The following ADCY9 variants were observed in gnomAD, a reference collection of about 807,000 sequenced individuals.
ADCY9 encodes the protein adenylate cyclase 9.
ADCY9 carries 50 observed loss-of-function variants against 101.5 expected under a neutral mutation model. The observed-to-expected ratio is 0.49, with a 90% CI of 0.39 to 0.62. The LOEUF is 0.62. Among genes scored for constraint, ADCY9 ranks in the 20% least tolerant of loss-of-function variants. The pLI is 0.00. For synonymous variants in ADCY9, 905 were observed against 769.3 expected (o/e 1.18, Z -2.92); for missense variants, 1,662 against 1,800.4 (o/e 0.92, Z 1.39).
chr16:3,994,073 T>A (rs2056268864), intron 3 of ADCY9, among the ~76,000 whole-genome samples: 1 of 152,098 alleles, frequency 6.6e-6, no homozygotes, highest in Non-Finnish European at 1.5e-5. Flanking sequence ...GAAATCCTAA[T>A]TCCCAAGGGG....
intron 2 of ADCY9, among the ~76,000 whole-genome samples, chr16:4,102,763 C>T (rs900833629): frequency 1.3e-5 from 2 of 152,058 alleles, no homozygotes; most frequent in African/African-American, 4.8e-5. Flanking sequence ...GCTCTGTCGC[C>T]CAGGCTGGAA....
intron 2 of ADCY9, among the ~76,000 whole-genome samples, chr16:4,012,169 C>G (rs1339636286): frequency 6.6e-6 from 1 of 152,194 alleles, no homozygotes; most frequent in African/African-American, 2.4e-5. Flanking sequence ...TCAAACACAC[C>G]TCCGTGTCCA....
chr16:4,052,154 G>C (rs867722223), intron 2 of ADCY9, among the ~76,000 whole-genome samples: 1 of 152,126 alleles, frequency 6.6e-6, no homozygotes, highest in African/African-American at 2.4e-5. Context: ...CAAACCGAGG[G>C]ACATTCTACA....
intron 2 of ADCY9, among the ~76,000 whole-genome samples, chr16:4,106,487 C>A (rs578113287): frequency 6.6e-6 from 1 of 152,170 alleles, no homozygotes; most frequent in Non-Finnish European, 1.5e-5. Context: ...AAATTCCCTC[C>A]AGGGATGCTA....
Position 4,110,139 on chromosome 16 carries a change from C to T in ADCY9, c.1693+3611G>A, listed in dbSNP as rs1036690227. 6.6e-5 allele frequency among the ~76,000 whole-genome samples: 10 copies of T among 152,310 alleles called. No homozygotes were observed. In the East Asian group the frequency reaches 1.7e-3, roughly 26 times the overall value. The stretch of plus-strand genomic sequence containing the variant: ...CACAACATTTTTAACTGTGAGCTCA[C>T]GGAGGTTGGGAACTATTAACGCAGG... On this transcript the variant is annotated intron_variant, in intron 2 of 10. Coordinates refer to ENST00000294016, the MANE Select transcript of ADCY9 (RefSeq NM_001116.4).
At chr16:4,081,121 G>C (rs1368737868) in intron 2 of ADCY9, among the ~76,000 whole-genome samples, 1 of 152,186 alleles carries the variant, frequency 6.6e-6, no homozygotes, top group Non-Finnish European at 1.5e-5. Flanking sequence ...GTGTGTGGAT[G>C]GTGTGGCCTG....
intron 2 of ADCY9, among the ~76,000 whole-genome samples, chr16:4,111,976 C>G (rs1365449891): frequency 6.6e-6 from 1 of 152,122 alleles, no homozygotes; most frequent in Admixed American, 6.5e-5. Context: ...TAATTACACC[C>G]TCTTCATTTT....
At chr16:4,063,733 G>C (rs2056785547) in intron 2 of ADCY9, among the ~76,000 whole-genome samples, 1 of 150,368 alleles carries the variant, frequency 6.7e-6, no homozygotes, top group African/African-American at 2.4e-5. Context: ...ACACAAACCT[G>C]AGTTTCCACC....
downstream of ADCY9, among the ~76,000 whole-genome samples, chr16:3,960,501 G>A (rs969919936): frequency 6.6e-6 from 1 of 152,080 alleles, no homozygotes; most frequent in African/African-American, 2.4e-5. Context: ...CAGCCTGGGC[G>A]AGAGAGCCAG....
In ADCY9 at chr16:4,087,583, G is replaced by A. The variant is rs545820468; in HGVS notation, c.1693+26167C>T. On this transcript the variant is annotated intron_variant, in intron 2 of 10. Coordinates refer to ENST00000294016, the MANE Select transcript of ADCY9 (RefSeq NM_001116.4). ...AAAAAAGAAGAACAACAACAGCTAAGAGTTTGGCAGAGTTTACTCTGCACA... is the reference window on the plus strand; with the variant it reads ...AAAAAAGAAGAACAACAACAGCTAAAAGTTTGGCAGAGTTTACTCTGCACA... Among the ~76,000 whole-genome samples, 10 of 149,484 alleles carry A rather than the reference G, an allele frequency of 6.7e-5. 1 individual carries two copies. In the South Asian group the frequency reaches 2.2e-3, roughly 32 times the overall value.
chr16:4,097,487 T>TATACACACACAC (rs76750792), intron 2 of ADCY9, among the ~76,000 whole-genome samples: 1,344 of 72,106 alleles, frequency 0.019, 17 homozygotes, highest in South Asian at 0.026. Flanking sequence ...TATATATATA[T>TATACACACACAC]ACACACACAC....
chr16:4,015,668 CT>C (rs558194213), intron 2 of ADCY9: 69 of 152,306 alleles, frequency 4.5e-4, no homozygotes, highest in African/African-American at 1.6e-3. Context: ...GTTCCCTTGT[CT>C]AGATAATGGA....
intron 7 of ADCY9, 133 bp from the exon 8 acceptor site, chr16:3,979,408 AGGC>A (rs2056121698): frequency 9.3e-7 from 1 of 1,072,896 alleles, no homozygotes; most frequent in Non-Finnish European, 1.3e-6. Context: ...GCGTGAGAGC[AGGC>A]GTGGGGTGGG....
At chr16:4,110,416 G>A (rs933690349) in intron 2 of ADCY9, among the ~76,000 whole-genome samples, 22 of 115,518 alleles carry the variant, frequency 1.9e-4, no homozygotes, top group Non-Finnish European at 2.8e-4. Context: ...ACGCAGTCTC[G>A]CCTAGGCTGT....
intron 5 of ADCY9, 89 bp from the exon 6 acceptor site, chr16:3,989,185 C>A: frequency 1.0e-6 from 1 of 962,690 alleles, no homozygotes; most frequent in Non-Finnish European, 1.6e-6. Flanking sequence ...CAAAACGCTG[C>A]TCATTAGGTA....
intron 2 of ADCY9, among the ~76,000 whole-genome samples, chr16:4,068,691 C>T (rs1002460238): frequency 1.3e-5 from 2 of 151,930 alleles, no homozygotes; most frequent in Non-Finnish European, 2.9e-5. Context: ...GTGGCGGGCG[C>T]CTGTAGTCCC....
At chr16:3,995,603 A>G (rs868344632) in intron 3 of ADCY9, among the ~76,000 whole-genome samples, 1 of 146,414 alleles carries the variant, frequency 6.8e-6, no homozygotes, top group African/African-American at 2.5e-5. Flanking sequence ...CAAGAAATAT[A>G]TTTTTTTTTT....
At chr16:3,981,008 G>A (rs1161584222) in intron 7 of ADCY9, among the ~76,000 whole-genome samples, 1 of 152,218 alleles carries the variant, frequency 6.6e-6, no homozygotes, top group African/African-American at 2.4e-5. Context: ...GTACAGGAAA[G>A]GGATGGGGTG....
intron 2 of ADCY9, among the ~76,000 whole-genome samples, chr16:4,081,908 C>T (rs2056906027): frequency 6.7e-6 from 1 of 149,156 alleles, no homozygotes; most frequent in African/African-American, 2.5e-5. Context: ...GGGAGGGGTG[C>T]GGAGGGGCAC....
Sources: allele counts gnomAD v4.1 joint callset (sites outside exome capture counted in the v4.1 genomes callset), GRCh38; gene constraint gnomAD v4.1.1; transcripts MANE v1.5; gene names NCBI Gene and HGNC (gene_info 2026-07-23, HGNC 2026-07-21).